OTOA: variants seen among roughly 807,000 people sequenced by gnomAD.
The protein encoded by OTOA is otoancorin.
OTOA carries 70 observed loss-of-function variants against 110.8 expected under a neutral mutation model. That is an observed-to-expected ratio of 0.63 (90% CI 0.52 to 0.77). OTOA has a LOEUF of 0.77. OTOA is among the 30% of genes least tolerant of loss of function. The pLI, the probability that OTOA is intolerant of heterozygous loss-of-function variation, is 0.00. For missense variants in OTOA, 917 were observed against 1,075.8 expected (o/e 0.85, Z 2.06); for synonymous variants, 373 against 431.5 (o/e 0.86, Z 1.68).
intron 10 of OTOA, among the ~76,000 whole-genome samples, chr16:21,699,010 G>A (rs1597820017): frequency 6.6e-6 from 1 of 152,244 alleles, no homozygotes; most frequent in East Asian, 1.9e-4. Flanking sequence ...AAGTGCAGTG[G>A]CGTGATCTCA....
Position 21,719,317 on chromosome 16 carries a change from C to T in OTOA, c.1689-70C>T. 4.5e-6 allele frequency: 7 copies of T among 1,561,014 alleles called. No individual in the cohort carries two copies. The South Asian group carries it at 7.8e-5, about 17-fold the overall frequency. On this transcript the variant is annotated intron_variant, in intron 16 of 28. Coordinates refer to ENST00000646100, the MANE Select transcript of OTOA (RefSeq NM_144672.4). ...GTAGCTTGTATCTGATCATATCTGCCTTCTCTCGCTCTTTCTTTCCTCTCC... is the reference window on the plus strand; with the variant it reads ...GTAGCTTGTATCTGATCATATCTGCTTTCTCTCGCTCTTTCTTTCCTCTCC...
At chr16:21,718,150 G>T (rs943863322) in intron 15 of OTOA, among the ~76,000 whole-genome samples, 5 of 152,054 alleles carry the variant, frequency 3.3e-5, no homozygotes, top group East Asian at 1.9e-4. Context: ...TAGAGACAGG[G>T]TTTCACCATG....
At chr16:21,685,194 C>T in intron 6 of OTOA, 36 bp from the exon 7 acceptor site, 1 of 1,608,082 alleles carries the variant, frequency 6.2e-7, no homozygotes, top group South Asian at 1.1e-5. Flanking sequence ...CCTGCTCTTT[C>T]TGTTCTCACC....
chr16:21,705,195 A>G lies in OTOA; in HGVS notation c.1007A>G (p.Asn336Ser), dbSNP rs145119450. 4.9e-5 allele frequency: 79 copies of G among 1,614,018 alleles called. No homozygotes were observed. The Admixed American group carries it at 5.7e-4, about 12-fold the overall frequency. Residue 336 changes from asparagine to serine, a missense_variant, in exon 12 of 29, where the codon AAT becomes AGT. Asn to Ser is a conservative substitution (Grantham distance 46). Transcript: ENST00000646100. ...CTGGGGCTGCTGGTTTGTTTCTACA[A>G]TGACCTGGAATTGCTGGATGCCACT... Reference protein sequence around the residue: ...HRLGLLVCFYNDLELLDATVA... With the variant: ...HRLGLLVCFYSDLELLDATVA...
intron 2 of OTOA, 123 bp downstream of exon 2, chr16:21,678,728 G>A (rs964113231): frequency 1.9e-5 from 22 of 1,138,734 alleles, no homozygotes; most frequent in Non-Finnish European, 2.8e-5. Context: ...GTGCATGTAT[G>A]ATTTTTCAGG....
At position 21,707,675 on chromosome 16, in the gene OTOA, GTC is replaced by G. The variant is rs1056641559; in HGVS notation, c.1105-2205_1105-2204del. On this transcript the variant is annotated intron_variant, in intron 12 of 28. Coordinates refer to ENST00000646100, the MANE Select transcript of OTOA (RefSeq NM_144672.4). ...TTTCTTTCTCTTTCTTTCTCTTTCT[GTC>G]TCTCTCTTTCTTTCTTCCCTCCTTC... 9.9e-5 allele frequency among the ~76,000 whole-genome samples: 11 copies of G among 110,958 alleles called. No individual in the cohort carries two copies. The East Asian group carries it at 1.1e-3, about 11-fold the overall frequency. 72.8% of individuals were successfully genotyped at this position (110,958 alleles called of 152,430 possible).
chr16:21,678,407 CATAT>C (rs113757042), intron 1 of OTOA, 100 bp from the exon 2 acceptor site: 5 of 649,174 alleles, frequency 7.7e-6, no homozygotes, highest in Admixed American at 3.4e-5. Context: ...TCTGAATGTC[CATAT>C]ATATATATAT....
intron 12 of OTOA, among the ~76,000 whole-genome samples, chr16:21,707,965 T>G (rs1898243247): frequency 1.3e-5 from 2 of 151,560 alleles, no homozygotes; most frequent in Non-Finnish European, 2.9e-5. Context: ...AGCTATTTAT[T>G]GTATTTGTAG....
chr16:21,715,077 G>T lies in OTOA; in HGVS notation c.1413G>T (p.Ser471=). The T allele has an allele frequency of 1.2e-6, 2 of 1,614,208 alleles. No homozygotes were observed. Among genetic ancestry groups the T allele is most frequent in the Non-Finnish European group, 8.5e-7 (1 of 1,180,022 alleles). Residue 471 remains serine (S), a synonymous_variant, in exon 14 of 29, where the codon TCG becomes TCT. Coordinates refer to ENST00000646100, the MANE Select transcript of OTOA (RefSeq NM_144672.4). ...GCAGCATGAAACGCAAGGACATCTC[G>T]CAGGTCCTGAGAAGTGCCGTCTCCC... ...AFCSMKRKDI[S]QVLRSAVSQY...
chr16:21,721,232 T>TACAC (rs35961471), intron 17 of OTOA: 9,158 of 371,552 alleles, frequency 0.025, 99 homozygotes, highest in African/African-American at 0.044. Context: ...ACATAATTAT[T>TACAC]ACACACACAC....
chr16:21,719,882 C>T (rs1898675915), intron 17 of OTOA, among the ~76,000 whole-genome samples: 1 of 152,028 alleles, frequency 6.6e-6, no homozygotes, highest in South Asian at 2.1e-4. Flanking sequence ...TTTTCTTTCT[C>T]ACTTAAAACT....
intron 6 of OTOA, chr16:21,684,373 A>G: frequency 4.2e-6 from 6 of 1,415,866 alleles, no homozygotes; most frequent in Non-Finnish European, 5.6e-6. Context: ...CTCTTTCAGG[A>G]GAGGCTGATG....
chr16:21,696,684 C>T (rs949834604), intron 9 of OTOA, among the ~76,000 whole-genome samples: 7 of 152,040 alleles, frequency 4.6e-5, no homozygotes, highest in African/African-American at 1.7e-4. Flanking sequence ...ATTCTCCTGC[C>T]TCAGCCTCCC....
At chr16:21,695,235 C>G (rs1471981555) in intron 9 of OTOA, among the ~76,000 whole-genome samples, 1 of 123,732 alleles carries the variant, frequency 8.1e-6, no homozygotes, top group Non-Finnish European at 1.8e-5. Flanking sequence ...CCCCCCCCCC[C>G]CATACAAAAA....
At chr16:21,710,713 G>A (rs1291194332) in intron 13 of OTOA, among the ~76,000 whole-genome samples, 3 of 152,072 alleles carry the variant, frequency 2.0e-5, no homozygotes, top group Non-Finnish European at 4.4e-5. Context: ...GACAACAATA[G>A]CACTTACTGC....
chr16:21,679,954 G>T (rs2141653756), intron 5 of OTOA, among the ~76,000 whole-genome samples: 1 of 152,172 alleles, frequency 6.6e-6, no homozygotes, highest in South Asian at 2.1e-4. Flanking sequence ...ACAGATACCA[G>T]GGACATGGGG....
intron 20 of OTOA, 131 bp downstream of exon 20, chr16:21,728,562 A>G: frequency 1.7e-6 from 2 of 1,149,846 alleles, no homozygotes; most frequent in Non-Finnish European, 2.4e-6. Context: ...CTTATTTTGG[A>G]AATGTGACCT....
chr16:21,704,220 C>T (rs888929217), intron 11 of OTOA, among the ~76,000 whole-genome samples: 3 of 152,138 alleles, frequency 2.0e-5, no homozygotes, highest in Non-Finnish European at 4.4e-5. Flanking sequence ...GAAATCTTTG[C>T]ATCATCTGGG....
intron 10 of OTOA, 82 bp from the exon 11 acceptor site, chr16:21,700,806 A>C: frequency 6.5e-7 from 1 of 1,532,890 alleles, no homozygotes; most frequent in East Asian, 2.3e-5. Flanking sequence ...ATGATGGGGC[A>C]CAGTGCAGAC....
Sources: allele counts gnomAD v4.1 joint callset (sites outside exome capture counted in the v4.1 genomes callset), GRCh38; gene constraint gnomAD v4.1.1; transcripts MANE v1.5; gene names NCBI Gene and HGNC (gene_info 2026-07-23, HGNC 2026-07-21).